Variants in GRID2 observed in about 807,000 individuals in gnomAD.
GRID2 encodes glutamate ionotropic receptor delta type subunit 2, also known as glutamate receptor ionotropic, delta-2.
A neutral mutation model predicts 114.8 loss-of-function variants in GRID2; 33 were observed. The ratio of observed to expected loss-of-function variants is 0.29; its 90% CI spans 0.22 to 0.38. The LOEUF is 0.38. Among genes scored for constraint, GRID2 ranks in the 10% least tolerant of loss-of-function variants. The probability of loss-of-function intolerance (pLI) is 1.00; values close to 1 mark genes in which losing one functional copy is unlikely to be tolerated. For synonymous variants in GRID2, 505 were observed against 449.9 expected (o/e 1.12, Z -1.55); for missense variants, 1,184 against 1,257.7 (o/e 0.94, Z 0.89).
intron 2 of GRID2, among the ~76,000 whole-genome samples, chr4:93,057,400 A>G (rs1351831542): frequency 6.6e-6 from 1 of 151,858 alleles, no homozygotes; most frequent in African/African-American, 2.4e-5. Flanking sequence ...AAGTCGAGAG[A>G]CACTTGGTTC....
At chr4:93,549,400 G>C (rs1048885637) in intron 13 of GRID2, among the ~76,000 whole-genome samples, 1 of 152,174 alleles carries the variant, frequency 6.6e-6, no homozygotes, top group Non-Finnish European at 1.5e-5. Context: ...TGAAAAAACA[G>C]AATCACCTAT....
Position 93,663,930 on chromosome 4 carries a change from G to T in GRID2, c.2360+37495G>T, listed in dbSNP as rs767207628. Among the ~76,000 whole-genome samples the T allele has an allele frequency of 7.2e-5, 11 of 152,164 alleles. 1 individual carries two copies. The highest frequency in any genetic ancestry group is 2.6e-4 in the Admixed American group (4 of 15,290). ...GGCTTAAACATTATTTTTTTCAAAC[G>T]TATTCGGATTTTATGGAACCTGGAT... On this transcript the variant is annotated intron_variant, in intron 14 of 15. Transcript: ENST00000282020.
chr4:93,437,526 G>A (rs535520582), intron 10 of GRID2, among the ~76,000 whole-genome samples: 3 of 152,202 alleles, frequency 2.0e-5, no homozygotes, highest in Admixed American at 6.5e-5. Context: ...GACAGAGTAT[G>A]AGTAGAAGAC....
At chr4:92,317,774 T>G (rs540740461) in intron 1 of GRID2, among the ~76,000 whole-genome samples, 2 of 152,266 alleles carry the variant, frequency 1.3e-5, no homozygotes, top group South Asian at 4.1e-4. Flanking sequence ...GTGAAGCTTT[T>G]GGGCCACCAA....
At chr4:92,939,479 G>A (rs375474813) in intron 2 of GRID2, among the ~76,000 whole-genome samples, 1 of 147,142 alleles carries the variant, frequency 6.8e-6, no homozygotes, top group Non-Finnish European at 1.5e-5. Flanking sequence ...TTTGTCAGAT[G>A]AGTAGATTGC....
At chr4:92,515,286 A>T (rs1350574624) in intron 1 of GRID2, among the ~76,000 whole-genome samples, 3 of 151,944 alleles carry the variant, frequency 2.0e-5, no homozygotes, top group Non-Finnish European at 4.4e-5. Flanking sequence ...AATTAACACA[A>T]GTCTTTAATA....
At chr4:93,175,181 T>A (rs1330834837) in intron 4 of GRID2, among the ~76,000 whole-genome samples, 1 of 152,178 alleles carries the variant, frequency 6.6e-6, no homozygotes, top group Non-Finnish European at 1.5e-5. Context: ...TTTTGTTTTG[T>A]TTTGTTTCAG....
At chr4:93,366,496 A>C (rs947450489) in intron 8 of GRID2, among the ~76,000 whole-genome samples, 52 of 152,086 alleles carry the variant, frequency 3.4e-4, no homozygotes, top group African/African-American at 1.2e-3. Context: ...TGTCAATGAC[A>C]ATGGTGCCTG....
At position 93,515,278 on chromosome 4, in the gene GRID2, T is replaced by C; in HGVS notation, c.2060T>C (p.Val687Ala). Residue 687 changes from valine (V) to alanine (A), a missense_variant, in exon 13 of 16, where the codon GTA becomes GCA. This residue lies in a region of GRID2 where 717 missense variants were observed against 796.9 expected (regional missense o/e 0.90). Coordinates refer to ENST00000282020, the MANE Select transcript of GRID2 (RefSeq NM_001510.4). ...TATGGCACAGTCCTAGACTCTGCGGTATATGAGCATGTCCGCATGAAAGGA... is the reference window on the plus strand; with the variant it reads ...TATGGCACAGTCCTAGACTCTGCGGCATATGAGCATGTCCGCATGAAAGGA... ...IPYGTVLDSA[V>A]YEHVRMKGLN... The C allele has an allele frequency of 6.2e-7, 1 of 1,609,700 alleles. No individual in the cohort carries two copies. Among genetic ancestry groups the C allele is most frequent in the East Asian group, 2.2e-5 (1 of 44,758 alleles).
intron 2 of GRID2, among the ~76,000 whole-genome samples, chr4:92,930,952 A>G (rs1750185716): frequency 6.6e-6 from 1 of 150,972 alleles, no homozygotes; most frequent in Non-Finnish European, 1.5e-5. Context: ...GGAAAAAACG[A>G]AAAAGTAAAA....
intron 4 of GRID2, among the ~76,000 whole-genome samples, chr4:93,180,774 T>A (rs1477952683): frequency 6.6e-6 from 1 of 152,182 alleles, no homozygotes; most frequent in Non-Finnish European, 1.5e-5. Flanking sequence ...GCTTCATTCA[T>A]TCAAATTTAA....
intron 3 of GRID2, among the ~76,000 whole-genome samples, chr4:93,098,254 T>A (rs1731399258): frequency 6.6e-6 from 1 of 152,008 alleles, no homozygotes; most frequent in African/African-American, 2.4e-5. Context: ...ACCCTTCCAA[T>A]TTTGCATTGT....
intron 8 of GRID2, among the ~76,000 whole-genome samples, chr4:93,335,096 A>G (rs2149236614): frequency 1.4e-5 from 2 of 144,648 alleles, no homozygotes; most frequent in Middle Eastern, 6.9e-3. Context: ...ATTTGCAAAC[A>G]ATATGTATAT....
chr4:93,348,509 A>G (rs756778989), intron 8 of GRID2, among the ~76,000 whole-genome samples: 2 of 152,166 alleles, frequency 1.3e-5, no homozygotes, highest in African/African-American at 2.4e-5. Context: ...AAGTGTTTAA[A>G]TCATAACTAA....
intron 2 of GRID2, among the ~76,000 whole-genome samples, chr4:93,041,843 T>C (rs1272270377): frequency 6.6e-6 from 1 of 152,088 alleles, no homozygotes; most frequent in Non-Finnish European, 1.5e-5. Flanking sequence ...AAAGTAACTG[T>C]GGTTTTTGGC....
At chr4:93,428,358 A>T (rs912850132) in intron 10 of GRID2, among the ~76,000 whole-genome samples, 1 of 152,120 alleles carries the variant, frequency 6.6e-6, no homozygotes, top group African/African-American at 2.4e-5. Context: ...TGACCCATGG[A>T]TATCTAAATT....
chr4:93,207,171 TTTTGA>T (rs1300461759), intron 4 of GRID2, among the ~76,000 whole-genome samples: 1 of 152,014 alleles, frequency 6.6e-6, no homozygotes, highest in Non-Finnish European at 1.5e-5. Context: ...GTTTTCTAGG[TTTTGA>T]TGAATTATGT....
At chr4:92,585,061 T>C (rs1242246589) in intron 1 of GRID2, among the ~76,000 whole-genome samples, 3 of 152,052 alleles carry the variant, frequency 2.0e-5, no homozygotes, top group Non-Finnish European at 4.4e-5. Context: ...ATTTCAAATA[T>C]TTGGCCACTA....
intron 2 of GRID2, among the ~76,000 whole-genome samples, chr4:92,916,858 A>G (rs944635712): frequency 3.9e-5 from 6 of 152,124 alleles, no homozygotes; most frequent in African/African-American, 1.2e-4. Context: ...ATGATTTATA[A>G]TCCTTTGGGT....
Sources: allele counts gnomAD v4.1 joint callset (sites outside exome capture counted in the v4.1 genomes callset), GRCh38; gene constraint gnomAD v4.1.1; regional missense constraint gnomAD v4.1.1; transcripts MANE v1.5; gene names NCBI Gene and HGNC (gene_info 2026-07-23, HGNC 2026-07-21).